Variants in TAFA4 observed in about 807,000 individuals in gnomAD.
TAFA4 encodes chemokine-like protein TAFA-4.
Under a neutral mutation model 21.1 loss-of-function variants are expected in TAFA4, and 20 were observed. That is an observed-to-expected ratio of 0.95 (90% confidence interval 0.67 to 1.38). TAFA4 has a LOEUF of 1.38. TAFA4 is among the 40% of genes most tolerant of loss of function. The pLI, the probability that TAFA4 is intolerant of heterozygous loss-of-function variation, is 0.00. For synonymous variants in TAFA4, 71 were observed against 67.4 expected (o/e 1.05, Z -0.26); for missense variants, 211 against 180.9 (o/e 1.17, Z -0.95).
chr3:68,749,191 A>G (rs1392756406), intron 4 of TAFA4, among the ~76,000 whole-genome samples: 1 of 152,244 alleles, frequency 6.6e-6, no homozygotes, highest in Non-Finnish European at 1.5e-5. Context: ...AAAGTTTGGC[A>G]GAAGGGGAAC....
intron 3 of TAFA4, among the ~76,000 whole-genome samples, chr3:68,797,665 G>A (rs192935729): frequency 5.9e-4 from 89 of 150,288 alleles, no homozygotes; most frequent in Admixed American, 1.5e-3. Context: ...CTACAACATG[G>A]AAGAACATGA....
Position 68,826,257 on chromosome 3 carries a change from A to T in TAFA4, c.130+54473T>A, listed in dbSNP as rs142442177. Among the ~76,000 whole-genome samples, 9 of 152,282 alleles carry T rather than the reference A, an allele frequency of 5.9e-5. No homozygotes were observed. The East Asian group carries it at 1.7e-3, about 29-fold the overall frequency. On this transcript the variant is annotated intron_variant, in intron 3 of 5. Coordinates refer to ENST00000295569, the MANE Select transcript of TAFA4 (RefSeq NM_182522.5). ...CTATTTGATTACACCAAGATTTCTC[A>T]TGCATAAAAAGGGATAATAAGAAGG...
intron 3 of TAFA4, among the ~76,000 whole-genome samples, chr3:68,767,826 C>T (rs1702885344): frequency 6.6e-6 from 1 of 151,752 alleles, no homozygotes; most frequent in African/African-American, 2.4e-5. Flanking sequence ...CATATGTGCA[C>T]ACACATATAT....
At chr3:68,834,576 T>C (rs543773646) in intron 3 of TAFA4, among the ~76,000 whole-genome samples, 7 of 152,278 alleles carry the variant, frequency 4.6e-5, no homozygotes, top group African/African-American at 2.4e-5. Flanking sequence ...GGATAGCTAA[T>C]ATGCATTTCA....
Position 68,870,428 on chromosome 3 carries a change from C to T in TAFA4, c.130+10302G>A, listed in dbSNP as rs1219097244. 9.9e-5 allele frequency among the ~76,000 whole-genome samples: 15 copies of T among 152,126 alleles called. No individual in the cohort carries two copies. In the East Asian group the frequency reaches 2.9e-3, roughly 29 times the overall value. ...TGGACAAAAAGAACAAAGCTGGAGG[C>T]ATCACACTACTTGACTTCAAAATAT... On this transcript the variant is annotated intron_variant, in intron 3 of 5. Coordinates refer to ENST00000295569, the MANE Select transcript of TAFA4 (RefSeq NM_182522.5).
At chr3:68,858,995 G>A (rs1333199878) in intron 3 of TAFA4, among the ~76,000 whole-genome samples, 1 of 151,892 alleles carries the variant, frequency 6.6e-6, no homozygotes, top group Non-Finnish European at 1.5e-5. Context: ...AAGAGTTGGG[G>A]TGGGGAGCTG....
intron 3 of TAFA4, among the ~76,000 whole-genome samples, chr3:68,808,433 A>T (rs189046764): frequency 2.0e-5 from 3 of 152,258 alleles, no homozygotes; most frequent in Admixed American, 2.0e-4. Context: ...CAAATTTCCA[A>T]ATTATCTTCA....
intron 5 of TAFA4, among the ~76,000 whole-genome samples, chr3:68,734,732 AC>A (rs1241853062): frequency 3.3e-5 from 5 of 152,188 alleles, no homozygotes; most frequent in Admixed American, 3.3e-4. Context: ...AGATAATAGT[AC>A]CTGCCCCCGT....
intron 3 of TAFA4, among the ~76,000 whole-genome samples, chr3:68,799,182 A>G (rs1184264405): frequency 2.0e-5 from 3 of 152,198 alleles, no homozygotes; most frequent in Non-Finnish European, 4.4e-5. Flanking sequence ...ATCTTAGTCC[A>G]TTCAGGCTGC....
At chr3:68,757,673 C>T (rs1052782071) in intron 3 of TAFA4, among the ~76,000 whole-genome samples, 6 of 152,202 alleles carry the variant, frequency 3.9e-5, no homozygotes, top group Non-Finnish European at 7.3e-5. Context: ...AACTGGGCCA[C>T]AGTGCCCTGA....
At chr3:68,901,983 A>C (rs956078749) in intron 1 of TAFA4, among the ~76,000 whole-genome samples, 3 of 152,248 alleles carry the variant, frequency 2.0e-5, no homozygotes, top group Non-Finnish European at 4.4e-5. Flanking sequence ...AGGGCTCTGT[A>C]AATTGCACCT....
intron 3 of TAFA4, among the ~76,000 whole-genome samples, chr3:68,842,848 G>T (rs111759553): frequency 0.021 from 3,130 of 149,900 alleles, 49 homozygotes; most frequent in South Asian, 0.036. Flanking sequence ...AAGATCAGAG[G>T]GTTTGGCGTT....
chr3:68,786,772 T>C (rs536600866), intron 3 of TAFA4, among the ~76,000 whole-genome samples: 17 of 152,344 alleles, frequency 1.1e-4, no homozygotes, highest in Admixed American at 6.5e-4. Flanking sequence ...TAGGTATTAT[T>C]GCTAATCATG....
chr3:68,735,265 C>T (rs931483108), intron 5 of TAFA4, among the ~76,000 whole-genome samples: 1 of 151,904 alleles, frequency 6.6e-6, no homozygotes, highest in Non-Finnish European at 1.5e-5. Context: ...CAGTGAAGGC[C>T]CATTTAAGAT....
At chr3:68,917,753 C>CCAAAAAAAAAAAA (rs764665164) in intron 1 of TAFA4, among the ~76,000 whole-genome samples, 26 of 58,152 alleles carry the variant, frequency 4.5e-4, no homozygotes, top group African/African-American at 1.6e-3. Context: ...GACTCTGTCT[C>CCAAAAAAAAAAAA]AAAAAAAAAA....
chr3:68,931,197 C>T (rs1708432913), intron 1 of TAFA4, among the ~76,000 whole-genome samples: 1 of 152,136 alleles, frequency 6.6e-6, no homozygotes, highest in African/African-American at 2.4e-5. Flanking sequence ...TCACATCAAC[C>T]TTGCTTGTCT....
intron 3 of TAFA4, among the ~76,000 whole-genome samples, chr3:68,842,170 A>G (rs1217444824): frequency 6.6e-6 from 1 of 152,212 alleles, no homozygotes; most frequent in African/African-American, 2.4e-5. Flanking sequence ...CCAACAGTGT[A>G]AAAGCCTTCC....
chr3:68,909,306 CAGT>C (rs2089933109), intron 1 of TAFA4, among the ~76,000 whole-genome samples: 1 of 152,148 alleles, frequency 6.6e-6, no homozygotes. Flanking sequence ...AGAGAAATTA[CAGT>C]AAGAGAATAT....
chr3:68,885,698 C>A (rs2106957683), intron 1 of TAFA4, among the ~76,000 whole-genome samples: 1 of 152,252 alleles, frequency 6.6e-6, no homozygotes, highest in Non-Finnish European at 1.5e-5. Context: ...TGCCCAAGCC[C>A]ATGGAGCAGT....
Sources: allele counts gnomAD v4.1 joint callset (sites outside exome capture counted in the v4.1 genomes callset), GRCh38; gene constraint gnomAD v4.1.1; transcripts MANE v1.5; gene names NCBI Gene and HGNC (gene_info 2026-07-23, HGNC 2026-07-21).